MYRIP: variants seen among roughly 807,000 people sequenced by gnomAD.
MYRIP encodes the protein rab effector MyRIP.
MYRIP carries 49 observed loss-of-function variants against 98.0 expected under a neutral mutation model. The observed-to-expected ratio is 0.50, with a 90% CI of 0.40 to 0.63. MYRIP has a LOEUF of 0.63. Ranked by LOEUF, MYRIP falls within the 30% of genes least tolerant of loss-of-function variation. The pLI is 0.00. For synonymous variants in MYRIP, 404 were observed against 409.5 expected (o/e 0.99, Z 0.16); for missense variants, 1,004 against 1,058.2 (o/e 0.95, Z 0.71).
At chr3:39,886,633 A>G (rs1473632427) in intron 1 of MYRIP, among the ~76,000 whole-genome samples, 4 of 152,034 alleles carry the variant, frequency 2.6e-5, no homozygotes, top group Non-Finnish European at 5.9e-5. Flanking sequence ...CAACAAGAAG[A>G]GCTAACTATC....
intron 10 of MYRIP, among the ~76,000 whole-genome samples, chr3:40,194,629 G>T (rs926696195): frequency 2.0e-5 from 3 of 151,966 alleles, no homozygotes; most frequent in African/African-American, 7.2e-5. Flanking sequence ...GTTTTGATTG[G>T]AATTGCGTTA....
At chr3:40,245,650 CAAAAA>C (rs1230060850) in intron 13 of MYRIP, among the ~76,000 whole-genome samples, 1 of 62,762 alleles carries the variant, frequency 1.6e-5, no homozygotes. Flanking sequence ...ACTCCATCTC[CAAAAA>C]AAAAAAAAAA....
intron 1 of MYRIP, among the ~76,000 whole-genome samples, chr3:39,846,276 C>T (rs967577137): frequency 6.6e-6 from 1 of 152,140 alleles, no homozygotes; most frequent in African/African-American, 2.4e-5. Flanking sequence ...TGTTATCATT[C>T]CTTTAATCTT....
chr3:40,159,033 C>A (rs2125585452), intron 4 of MYRIP, among the ~76,000 whole-genome samples: 1 of 151,794 alleles, frequency 6.6e-6, no homozygotes, highest in South Asian at 2.1e-4. Context: ...TTGATCCTGT[C>A]ATTATGATGT....
intron 10 of MYRIP, among the ~76,000 whole-genome samples, chr3:40,209,534 GC>G (rs1951865363): frequency 6.6e-6 from 1 of 152,000 alleles, no homozygotes; most frequent in South Asian, 2.1e-4. Flanking sequence ...CCAGGCAAGG[GC>G]TGGTCAGGTT....
chr3:39,818,127 T>C (rs1386858913), intron 1 of MYRIP, among the ~76,000 whole-genome samples: 1 of 152,240 alleles, frequency 6.6e-6, no homozygotes, highest in East Asian at 1.9e-4. Flanking sequence ...CATTAGGCAC[T>C]TTAGACTTTT....
intron 4 of MYRIP, among the ~76,000 whole-genome samples, chr3:40,152,765 C>T (rs182899689): frequency 1.3e-5 from 2 of 152,214 alleles, no homozygotes; most frequent in South Asian, 2.1e-4. Flanking sequence ...GTTCTCAAAG[C>T]GTGGCTCAAG....
intron 2 of MYRIP, among the ~76,000 whole-genome samples, chr3:39,958,834 A>G (rs924105513): frequency 2.0e-5 from 3 of 152,188 alleles, no homozygotes; most frequent in African/African-American, 7.2e-5. Context: ...AATTTACAAG[A>G]GAAAATCAAC....
intron 10 of MYRIP, among the ~76,000 whole-genome samples, chr3:40,201,647 T>G (rs927134872): frequency 4.6e-5 from 7 of 151,098 alleles, no homozygotes; most frequent in Non-Finnish European, 1.0e-4. Context: ...GAGAGAACCT[T>G]GAGAGACTCT....
At position 39,966,706 on chromosome 3, in the gene MYRIP, G is replaced by GGTGCCGTGGCCTTTGCCGAAGC. The variant is rs550577718; in HGVS notation, c.110+65781_110+65802dup. On this transcript the variant is annotated intron_variant, in intron 2 of 16. Transcript: ENST00000302541. ...CCGAGGACGGAGAGTTGCCCTCATAGGTGCCGTGGCCTTTGCCGAAGCAAT... is the reference window on the plus strand; with the variant it reads ...CCGAGGACGGAGAGTTGCCCTCATAGGTGCCGTGGCCTTTGCCGAAGCGTGCCGTGGCCTTTGCCGAAGCAAT... Among the ~76,000 whole-genome samples the GGTGCCGTGGCCTTTGCCGAAGC allele has an allele frequency of 6.4e-4, 97 of 152,342 alleles. 1 individual carries two copies. Among genetic ancestry groups the GGTGCCGTGGCCTTTGCCGAAGC allele is most frequent in the South Asian group, 8.3e-4 (4 of 4,826 alleles).
intron 16 of MYRIP, 86 bp from the exon 17 acceptor site, chr3:40,258,048 T>C: frequency 7.0e-7 from 1 of 1,422,604 alleles, no homozygotes; most frequent in Non-Finnish European, 9.9e-7. Context: ...GCTTTTGATA[T>C]TAAAAAGCAG....
At chr3:39,972,690 A>G (rs539158161) in intron 2 of MYRIP, among the ~76,000 whole-genome samples, 2 of 152,224 alleles carry the variant, frequency 1.3e-5, no homozygotes, top group African/African-American at 2.4e-5. Flanking sequence ...ACACATGGGA[A>G]GCTCACACAG....
At chr3:39,947,900 G>C (rs1214479223) in intron 2 of MYRIP, among the ~76,000 whole-genome samples, 1 of 152,142 alleles carries the variant, frequency 6.6e-6, no homozygotes, top group African/African-American at 2.4e-5. Flanking sequence ...ATCAGTGATT[G>C]TCAACTTTGG....
At chr3:40,245,107 A>G (rs1379008352) in intron 13 of MYRIP, among the ~76,000 whole-genome samples, 2 of 152,242 alleles carry the variant, frequency 1.3e-5, no homozygotes, top group Non-Finnish European at 2.9e-5. Flanking sequence ...TGAACAAATG[A>G]AGGAAATTGG....
At chr3:39,962,980 C>T (rs867282163) in intron 2 of MYRIP, among the ~76,000 whole-genome samples, 2 of 152,068 alleles carry the variant, frequency 1.3e-5, no homozygotes, top group African/African-American at 4.8e-5. Flanking sequence ...AGAACATACA[C>T]ATAAGACAAA....
intron 10 of MYRIP, among the ~76,000 whole-genome samples, chr3:40,201,609 A>T (rs1369942262): frequency 6.6e-6 from 1 of 152,164 alleles, no homozygotes; most frequent in Non-Finnish European, 1.5e-5. Context: ...CCAACCAGGC[A>T]GGTCCTTCCA....
intron 8 of MYRIP, chr3:40,173,716 C>T (rs73067645): frequency 1.0e-3 from 154 of 152,350 alleles, no homozygotes; most frequent in Non-Finnish European, 1.6e-3. Context: ...CAGGCATGAC[C>T]ATGGGCTGTT....
At chr3:40,113,430 C>A (rs939878640) in intron 3 of MYRIP, among the ~76,000 whole-genome samples, 1 of 152,158 alleles carries the variant, frequency 6.6e-6, no homozygotes, top group Admixed American at 6.5e-5. Context: ...CAGGCATGAG[C>A]CACCATGCCC....
intron 2 of MYRIP, among the ~76,000 whole-genome samples, chr3:39,992,219 C>G (rs9836551): frequency 0.084 from 12,798 of 152,130 alleles, 843 homozygotes; most frequent in East Asian, 0.17. Context: ...ATTTATCAAG[C>G]CTCTCATCTC....
Sources: gnomAD v4.1 joint callset for allele counts (sites outside exome capture counted in the v4.1 genomes callset) on GRCh38, gnomAD v4.1.1 for gene constraint, MANE v1.5 for transcripts, NCBI Gene and HGNC (gene_info 2026-07-23, HGNC 2026-07-21) for gene names.